Variants in PRKCE observed in about 807,000 individuals in gnomAD.
PRKCE encodes the protein protein kinase C epsilon type.
In PRKCE, 16 loss-of-function variants were observed where a neutral mutation model predicts 85.4. That is an observed-to-expected ratio of 0.19 (90% confidence interval 0.13 to 0.28). PRKCE has a LOEUF of 0.28. Among genes scored for constraint, PRKCE ranks in the 10% least tolerant of loss-of-function variants. The pLI is 1.00. For missense variants in PRKCE, 573 were observed against 975.2 expected, an observed-to-expected ratio of 0.59 and a Z score of 5.49; for synonymous variants, 388 against 371.5, an observed-to-expected ratio of 1.04 and a Z score of -0.51.
At chr2:45,694,683 G>A (rs1678001247) in intron 1 of PRKCE, among the ~76,000 whole-genome samples, 1 of 152,220 alleles carries the variant, frequency 6.6e-6, no homozygotes, top group African/African-American at 2.4e-5. Context: ...ACTTCGAATG[G>A]TGGGTGGATT....
chr2:46,026,400 C>A (rs766650100), intron 10 of PRKCE, among the ~76,000 whole-genome samples: 2 of 152,082 alleles, frequency 1.3e-5, no homozygotes, highest in Non-Finnish European at 2.9e-5. Context: ...CAGAAAGAAG[C>A]GTAGAAGACT....
intron 1 of PRKCE, among the ~76,000 whole-genome samples, chr2:45,807,068 C>T (rs948698181): frequency 2.0e-5 from 3 of 152,130 alleles, no homozygotes; most frequent in Admixed American, 6.5e-5. Context: ...AGGGCTGGCA[C>T]GGGCTGGGGA....
intron 11 of PRKCE, among the ~76,000 whole-genome samples, chr2:46,130,830 T>C (rs2104403931): frequency 6.6e-6 from 1 of 152,314 alleles, no homozygotes; most frequent in South Asian, 2.1e-4. Flanking sequence ...TTAGAGTAGC[T>C]TGAGAAGAGT....
At chr2:45,789,905 T>A (rs1391255628) in intron 1 of PRKCE, among the ~76,000 whole-genome samples, 1 of 152,242 alleles carries the variant, frequency 6.6e-6, no homozygotes, top group Non-Finnish European at 1.5e-5. Context: ...TAGCTTTACA[T>A]ATCTGACACC....
At chr2:45,840,911 T>A (rs1367331635) in intron 1 of PRKCE, among the ~76,000 whole-genome samples, 1 of 152,104 alleles carries the variant, frequency 6.6e-6, no homozygotes, top group African/African-American at 2.4e-5. Flanking sequence ...TCAAATGTCA[T>A]TTTAGTAGAG....
chr2:45,764,305 C>T (rs1051858964), intron 1 of PRKCE, among the ~76,000 whole-genome samples: 1 of 152,182 alleles, frequency 6.6e-6, no homozygotes, highest in Admixed American at 6.5e-5. Context: ...AATTCCAGCC[C>T]ACCTGAGGAA....
At position 45,809,010 on chromosome 2, in the gene PRKCE, T is replaced by C. The variant is rs572163201; in HGVS notation, c.349-33990T>C. Among the ~76,000 whole-genome samples the C allele has an allele frequency of 9.8e-5, 15 of 152,314 alleles. 1 individual carries two copies. Among genetic ancestry groups the C allele is most frequent in the African/African-American group, 3.6e-4 (15 of 41,570 alleles). The stretch of plus-strand genomic sequence containing the variant: ...CCCAGAATCCTGAACCTGAGAGTCC[T>C]CGTCTACCCTGGTGGTGTGTCCCTT... On this transcript the variant is annotated intron_variant, in intron 1 of 14. Transcript: ENST00000306156.
chr2:46,042,608 T>C (rs1708278661), intron 10 of PRKCE, among the ~76,000 whole-genome samples: 2 of 152,214 alleles, frequency 1.3e-5, no homozygotes, highest in Admixed American at 1.3e-4. Flanking sequence ...AAACCCCTCT[T>C]GGTCCTTCTA....
At chr2:45,995,738 T>A (rs1288209554) in intron 6 of PRKCE, among the ~76,000 whole-genome samples, 2 of 152,212 alleles carry the variant, frequency 1.3e-5, no homozygotes, top group Non-Finnish European at 2.9e-5. Flanking sequence ...TTCCACATTG[T>A]CTTGATTACT....
intron 4 of PRKCE, among the ~76,000 whole-genome samples, chr2:45,980,011 T>G (rs771162759): frequency 3.9e-5 from 6 of 152,126 alleles, no homozygotes; most frequent in Non-Finnish European, 5.9e-5. Context: ...CTTGGCGTAT[T>G]GAAGTGAGAA....
At chr2:45,963,587 G>A (rs994723114) in intron 2 of PRKCE, among the ~76,000 whole-genome samples, 1 of 152,186 alleles carries the variant, frequency 6.6e-6, no homozygotes, top group Non-Finnish European at 1.5e-5. Flanking sequence ...GAGATTACAG[G>A]CATGAGCTAC....
At chr2:45,747,980 A>G (rs1683270813) in intron 1 of PRKCE, among the ~76,000 whole-genome samples, 1 of 152,104 alleles carries the variant, frequency 6.6e-6, no homozygotes, top group South Asian at 2.1e-4. Flanking sequence ...CTTTGGAGAA[A>G]TGTCTGTTCA....
intron 1 of PRKCE, among the ~76,000 whole-genome samples, chr2:45,746,011 A>G (rs1161358399): frequency 1.8e-4 from 28 of 152,174 alleles, no homozygotes; most frequent in Non-Finnish European, 1.5e-5. Context: ...TCACACGCCT[A>G]CAAGTGATAG....
At chr2:46,029,692 T>A (rs1707383311) in intron 10 of PRKCE, among the ~76,000 whole-genome samples, 1 of 151,490 alleles carries the variant, frequency 6.6e-6, no homozygotes, top group Admixed American at 6.6e-5. Flanking sequence ...TGGGTTTTTT[T>A]TTTTTTGTGG....
chr2:45,789,588 G>A (rs1686876628), intron 1 of PRKCE, among the ~76,000 whole-genome samples: 1 of 152,162 alleles, frequency 6.6e-6, no homozygotes, highest in Non-Finnish European at 1.5e-5. Context: ...TAATGATCAT[G>A]CCACTGCACT....
At chr2:45,795,805 G>A (rs1194529086) in intron 1 of PRKCE, among the ~76,000 whole-genome samples, 1 of 152,186 alleles carries the variant, frequency 6.6e-6, no homozygotes, top group African/African-American at 2.4e-5. Context: ...GTCCTGCTCA[G>A]GTGGCCAGGA....
intron 10 of PRKCE, among the ~76,000 whole-genome samples, chr2:46,028,760 C>T (rs752189296): frequency 2.0e-5 from 3 of 152,190 alleles, no homozygotes; most frequent in Non-Finnish European, 2.9e-5. Context: ...ATTATTTCAT[C>T]ACCCAGGTAT....
At chr2:45,989,612 G>GCCTGCCTGT (rs1703633350) in intron 6 of PRKCE, among the ~76,000 whole-genome samples, 1 of 150,824 alleles carries the variant, frequency 6.6e-6, no homozygotes. Context: ...TGAAAGAAAG[G>GCCTGCCTGT]CCTGCCTGTC....
chr2:46,096,362 G>C (rs1670679014), intron 11 of PRKCE, among the ~76,000 whole-genome samples: 1 of 152,180 alleles, frequency 6.6e-6, no homozygotes, highest in Admixed American at 6.5e-5. Context: ...ACACAGTTCT[G>C]GAGTCAGAAA....
Sources: gnomAD v4.1 joint callset for allele counts (sites outside exome capture counted in the v4.1 genomes callset) on GRCh38, gnomAD v4.1.1 for gene constraint, MANE v1.5 for transcripts, NCBI Gene and HGNC (gene_info 2026-07-23, HGNC 2026-07-21) for gene names.